MRTFA: variants seen among roughly 807,000 people sequenced by gnomAD.
The protein encoded by MRTFA is myocardin related transcription factor A, also known as myocardin-related transcription factor A.
Under a neutral mutation model 83.5 loss-of-function variants are expected in MRTFA, and 20 were observed. That is an observed-to-expected ratio of 0.24 (90% CI 0.17 to 0.35). MRTFA has a LOEUF of 0.35. MRTFA is among the 10% of genes least tolerant of loss of function. MRTFA has a pLI of 1.00. For missense variants in MRTFA, 1,200 were observed against 1,224.7 expected, an observed-to-expected ratio of 0.98 and a Z score of 0.30; for synonymous variants, 659 against 541.2, an observed-to-expected ratio of 1.22 and a Z score of -3.02.
At chr22:40,496,350 A>G (rs965145361) in intron 3 of MRTFA, among the ~76,000 whole-genome samples, 1 of 147,136 alleles carries the variant, frequency 6.8e-6, no homozygotes, top group Non-Finnish European at 1.5e-5. Context: ...ATACATATAC[A>G]TGTTTCTATA....
chr22:40,486,790 G>A (rs1408325292), intron 3 of MRTFA, among the ~76,000 whole-genome samples: 2 of 152,142 alleles, frequency 1.3e-5, no homozygotes, highest in African/African-American at 2.4e-5. Flanking sequence ...AGACAGCCTG[G>A]GCAACACGGC....
chr22:40,597,506 T>G (rs1278830119), intron 1 of MRTFA, among the ~76,000 whole-genome samples: 2 of 152,222 alleles, frequency 1.3e-5, no homozygotes, highest in African/African-American at 2.4e-5. Context: ...CACAGCTTTG[T>G]ATGTAGAGTA....
chr22:40,446,301 G>A (rs1216226625), intron 4 of MRTFA, among the ~76,000 whole-genome samples: 1 of 152,170 alleles, frequency 6.6e-6, no homozygotes, highest in African/African-American at 2.4e-5. Context: ...TTGCAAAATA[G>A]CAAGGACTGC....
At position 40,619,661 on chromosome 22, in the gene MRTFA, G is replaced by C. The variant is rs180957329; in HGVS notation, c.-84+16817C>G. On this transcript the variant is annotated intron_variant, in intron 1 of 14. Transcript: ENST00000355630. ...CCCCAGCACTTTGGGAGGCCGAGAC[G>C]GGCGGATCACGAGGTCAGGAGATCG... Among the ~76,000 whole-genome samples, 159 of 152,026 alleles carry C rather than the reference G, an allele frequency of 1.0e-3. 1 individual carries two copies. Among genetic ancestry groups the C allele is most frequent in the African/African-American group, 3.7e-3 (155 of 41,512 alleles).
At chr22:40,555,693 G>A (rs2055511612) in intron 2 of MRTFA, among the ~76,000 whole-genome samples, 1 of 150,752 alleles carries the variant, frequency 6.6e-6, no homozygotes, top group South Asian at 2.1e-4. Flanking sequence ...CTGGAGTGCA[G>A]TGGCGTGATC....
chr22:40,550,399 C>G (rs1431652100), intron 3 of MRTFA, among the ~76,000 whole-genome samples: 2 of 151,840 alleles, frequency 1.3e-5, no homozygotes, highest in Non-Finnish European at 2.9e-5. Flanking sequence ...TAGGCAATAA[C>G]TAAAATAAGG....
intron 1 of MRTFA, among the ~76,000 whole-genome samples, chr22:40,603,759 A>C (rs1168953660): frequency 2.0e-5 from 3 of 151,044 alleles, no homozygotes; most frequent in Non-Finnish European, 3.0e-5. Context: ...GTTGAAAAAA[A>C]AAATTTTTTT....
At chr22:40,435,151 A>G (rs953422539) in intron 5 of MRTFA, among the ~76,000 whole-genome samples, 1 of 152,230 alleles carries the variant, frequency 6.6e-6, no homozygotes, top group African/African-American at 2.4e-5. Context: ...CAACATCTAC[A>G]AAACGTTAAG....
At chr22:40,612,672 G>A (rs2056400438) in intron 1 of MRTFA, among the ~76,000 whole-genome samples, 1 of 152,174 alleles carries the variant, frequency 6.6e-6, no homozygotes, top group Admixed American at 6.5e-5. Context: ...CATAAGCCAG[G>A]CACAGTGACT....
chr22:40,570,577 C>CAAAAAAAAAA, intron 2 of MRTFA, among the ~76,000 whole-genome samples: 1 of 23,152 alleles, frequency 4.3e-5, no homozygotes, highest in Non-Finnish European at 7.4e-5. Flanking sequence ...GACTCTGTCT[C>CAAAAAAAAAA]AAAAAAAAAA....
intron 4 of MRTFA, among the ~76,000 whole-genome samples, chr22:40,448,143 C>T (rs1985746): frequency 6.6e-6 from 1 of 152,200 alleles, no homozygotes; most frequent in Admixed American, 6.5e-5. Flanking sequence ...AACCCCATCT[C>T]TACTAAAAAT....
intron 3 of MRTFA, among the ~76,000 whole-genome samples, chr22:40,512,762 G>T (rs2054688299): frequency 6.6e-6 from 1 of 152,208 alleles, no homozygotes; most frequent in African/African-American, 2.4e-5. Context: ...ATGTTTTATG[G>T]TTGAACATGT....
At chr22:40,476,666 T>TA (rs990309275) in intron 3 of MRTFA, among the ~76,000 whole-genome samples, 1 of 152,084 alleles carries the variant, frequency 6.6e-6, no homozygotes, top group African/African-American at 2.4e-5. Flanking sequence ...TTGCCCAGGC[T>TA]AGTCTTGAAC....
chr22:40,504,203 C>T (rs540487553), intron 3 of MRTFA, among the ~76,000 whole-genome samples: 1 of 152,246 alleles, frequency 6.6e-6, no homozygotes, highest in South Asian at 2.1e-4. Context: ...ACCTAGACTT[C>T]TCAAATTTCT....
chr22:40,470,452 G>A (rs896183824), intron 3 of MRTFA, among the ~76,000 whole-genome samples: 1 of 150,950 alleles, frequency 6.6e-6, no homozygotes, highest in Non-Finnish European at 1.5e-5. Context: ...ACAGTGCTTA[G>A]AGGGAAACTC....
Position 40,411,438 on chromosome 22 carries a change from G to A in MRTFA, c.3048C>T (p.Asp1016=), listed in dbSNP as rs1263088039. Residue 1016 remains aspartate, a synonymous_variant, in exon 15 of 15, where the codon GAC becomes GAT. Transcript: ENST00000355630. ...GCTGCAAATCATGGCCATCGAGGAA[G>A]TCTGTGGAGAAGAGGCTGGGGGCTG... is the stretch of plus-strand genomic sequence containing the variant. 1.9e-6 allele frequency: 3 copies of A among 1,589,296 alleles called. No homozygotes were observed. The highest frequency in any genetic ancestry group is 2.3e-5 in the East Asian group (1 of 44,222).
At chr22:40,601,795 T>C (rs774343352) in intron 1 of MRTFA, among the ~76,000 whole-genome samples, 1 of 152,050 alleles carries the variant, frequency 6.6e-6, no homozygotes, top group Non-Finnish European at 1.5e-5. Flanking sequence ...TTAAAAACAA[T>C]GAAAAATTAA....
Position 40,424,318 on chromosome 22 carries a change from G to C in MRTFA, c.665C>G (p.Ala222Gly), listed in dbSNP as rs1369361814. ...GCTGGCAGGCTGCTCGGGGGATAAGGCATCGCTGCTGTCCTCATCGAAGGA... is the reference window on the plus strand; with the variant it reads ...GCTGGCAGGCTGCTCGGGGGATAAGCCATCGCTGCTGTCCTCATCGAAGGA... Residue 222 changes from alanine to glycine, a missense_variant, in exon 8 of 15, where the codon GCC becomes GGC. This residue lies in a region of MRTFA where 1,107 missense variants were observed against 1,041.8 expected (regional missense o/e 1.06). Transcript: ENST00000355630. 6.2e-7 allele frequency: 1 copy of C among 1,612,962 alleles called. No individual in the cohort carries two copies. The highest frequency in any genetic ancestry group is 1.1e-5 in the South Asian group (1 of 90,908).
At chr22:40,437,021 T>C (rs897347718) in intron 4 of MRTFA, among the ~76,000 whole-genome samples, 2 of 152,148 alleles carry the variant, frequency 1.3e-5, no homozygotes, top group African/African-American at 4.8e-5. Context: ...TTTTTAAAAA[T>C]TTTTTGTGAA....
Sources: gnomAD v4.1 joint callset for allele counts (sites outside exome capture counted in the v4.1 genomes callset) on GRCh38, gnomAD v4.1.1 for gene constraint, gnomAD v4.1.1 regional missense constraint, MANE v1.5 for transcripts, NCBI Gene and HGNC (gene_info 2026-07-23, HGNC 2026-07-21) for gene names.